The following LIMA1 variants were observed in gnomAD, a reference collection of about 807,000 sequenced individuals.
LIMA1 encodes the protein LIM domain and actin binding 1.
Under a neutral mutation model 62.6 loss-of-function variants are expected in LIMA1, and 52 were observed. That is an observed-to-expected ratio of 0.83 (90% confidence interval 0.67 to 1.05). LIMA1 has a LOEUF of 1.05. Among genes scored for constraint, LIMA1 ranks in the 50% least tolerant of loss-of-function variants. LIMA1 has a pLI of 0.00. For missense variants in LIMA1, 780 were observed against 902.2 expected (o/e 0.86, Z 1.74); for synonymous variants, 302 against 317.8 (o/e 0.95, Z 0.53).
chr12:50,179,118 G>A (rs1481005560), intron 10 of LIMA1, among the ~76,000 whole-genome samples: 1 of 151,780 alleles, frequency 6.6e-6, no homozygotes, highest in African/African-American at 2.4e-5. Context: ...TGGGATTACA[G>A]GAGTGCGCCA....
chr12:50,276,126 G>T (rs1033070529), intron 1 of LIMA1, among the ~76,000 whole-genome samples: 1 of 151,642 alleles, frequency 6.6e-6, no homozygotes, highest in Non-Finnish European at 1.5e-5. Flanking sequence ...AAAAACTGAA[G>T]CCAACTCTAA....
intron 2 of LIMA1, among the ~76,000 whole-genome samples, chr12:50,238,049 G>A (rs759911201): frequency 1.3e-5 from 2 of 151,816 alleles, no homozygotes; most frequent in African/African-American, 2.4e-5. Flanking sequence ...ATTTTTTGTC[G>A]TTTTTCTTTC....
Position 50,244,436 on chromosome 12 carries a change from A to C in LIMA1, c.119+4197T>G, listed in dbSNP as rs553861091. On this transcript the variant is annotated intron_variant, in intron 2 of 10. Transcript: ENST00000341247. ...GTATTTTTAGTAGAGATGGGGTTTC[A>C]CCATGTTGGGCAGGCTTGTCTTGAA... Among the ~76,000 whole-genome samples the C allele has an allele frequency of 9.9e-5, 15 of 151,956 alleles. No homozygotes were observed. In the East Asian group the frequency reaches 2.9e-3, roughly 29 times the overall value.
At chr12:50,223,021 C>A (rs1941473537) in intron 3 of LIMA1, among the ~76,000 whole-genome samples, 1 of 151,902 alleles carries the variant, frequency 6.6e-6, no homozygotes, top group Non-Finnish European at 1.5e-5. Flanking sequence ...AGGATTGAAA[C>A]AATTTGTAGA....
chr12:50,199,006 T>C (rs1052038273), intron 7 of LIMA1, among the ~76,000 whole-genome samples: 1 of 152,164 alleles, frequency 6.6e-6, no homozygotes, highest in Non-Finnish European at 1.5e-5. Flanking sequence ...CTGCTGCCTA[T>C]GTGTACCTCA....
rs370405598 is a variant in LIMA1, at chr12:50,231,162, C to T, written c.165+503G>A. On this transcript the variant is annotated intron_variant, in intron 3 of 10. Coordinates refer to ENST00000341247, the MANE Select transcript of LIMA1 (RefSeq NM_016357.5). Reference sequence around the variant, plus strand: ...GTTAGCAAGCACGGAGACTAGAGAACGGGTAGAAGCAGAGAGTTTATTCTG... The same window carrying T: ...GTTAGCAAGCACGGAGACTAGAGAATGGGTAGAAGCAGAGAGTTTATTCTG... 2.2e-4 allele frequency among the ~76,000 whole-genome samples: 33 copies of T among 152,192 alleles called. No individual in the cohort carries two copies. In the South Asian group the frequency reaches 2.3e-3, roughly 11 times the overall value.
At chr12:50,279,418 T>C (rs934569087) in intron 1 of LIMA1, among the ~76,000 whole-genome samples, 5 of 151,664 alleles carry the variant, frequency 3.3e-5, no homozygotes, top group Non-Finnish European at 5.9e-5. Flanking sequence ...AAAACAATTA[T>C]ATATACAATA....
At chr12:50,281,593 C>T (rs1942340504) in intron 1 of LIMA1, among the ~76,000 whole-genome samples, 1 of 151,978 alleles carries the variant, frequency 6.6e-6, no homozygotes, top group South Asian at 2.1e-4. Flanking sequence ...CAGGGACTAC[C>T]TGATAACAAC....
chr12:50,179,963 G>A (rs1340715456), intron 10 of LIMA1, among the ~76,000 whole-genome samples: 1 of 151,020 alleles, frequency 6.6e-6, no homozygotes, highest in Non-Finnish European at 1.5e-5. Flanking sequence ...TCAGAAGTTT[G>A]AGACCAGCCT....
intron 1 of LIMA1, among the ~76,000 whole-genome samples, chr12:50,261,463 T>C (rs1476045756): frequency 1.3e-5 from 2 of 152,100 alleles, no homozygotes; most frequent in African/African-American, 2.4e-5. Flanking sequence ...AGTTATTTCT[T>C]GATGCAAGCC....
chr12:50,191,335 G>A (rs1208298653), intron 9 of LIMA1: 1 of 146,192 alleles, frequency 6.8e-6, no homozygotes, highest in Non-Finnish European at 1.5e-5. Context: ...AGGCCAGCCT[G>A]GGAAACATGG....
chr12:50,183,324 A>C (rs148545671), intron 9 of LIMA1, among the ~76,000 whole-genome samples: 1 of 152,324 alleles, frequency 6.6e-6, no homozygotes, highest in African/African-American at 2.4e-5. Context: ...CTCAACCAGT[A>C]GATGCGGGAG....
intron 1 of LIMA1, among the ~76,000 whole-genome samples, chr12:50,277,146 A>AT (rs1389553189): frequency 6.6e-6 from 1 of 152,034 alleles, no homozygotes; most frequent in African/African-American, 2.4e-5. Flanking sequence ...GGCTTCTGTG[A>AT]TTTTATCTTA....
At chr12:50,179,881 CAT>C (rs754892618) in intron 10 of LIMA1, among the ~76,000 whole-genome samples, 4 of 151,662 alleles carry the variant, frequency 2.6e-5, no homozygotes, top group African/African-American at 7.3e-5. Flanking sequence ...CCAAATTTTT[CAT>C]AGAGATGGGA....
intron 2 of LIMA1, among the ~76,000 whole-genome samples, chr12:50,240,610 C>T (rs928988550): frequency 5.9e-5 from 9 of 151,978 alleles, no homozygotes; most frequent in South Asian, 2.1e-4. Flanking sequence ...CTTCCTGGGA[C>T]GAGGAATTGT....
chr12:50,207,985 G>A lies in LIMA1; in HGVS notation c.631-1917C>T, dbSNP rs550447331. ...AGAAAACATACCACATCAGAAATCA[G>A]AGCCAAGGATTGGTCTGTTTATACC... On this transcript the variant is annotated intron_variant, in intron 4 of 10. Coordinates refer to ENST00000341247, the MANE Select transcript of LIMA1 (RefSeq NM_016357.5). Among the ~76,000 whole-genome samples, 5 of 151,680 alleles carry A rather than the reference G, an allele frequency of 3.3e-5. No homozygotes were observed. In the East Asian group the frequency reaches 5.8e-4, roughly 18 times the overall value.
intron 3 of LIMA1, 144 bp downstream of exon 3, chr12:50,231,521 A>T (rs989784767): frequency 6.4e-6 from 5 of 778,610 alleles, no homozygotes; most frequent in African/African-American, 1.7e-5. Context: ...AGTTGTCCTG[A>T]GCAAATGGCT....
chr12:50,262,542 G>A (rs898491578), intron 1 of LIMA1, among the ~76,000 whole-genome samples: 4 of 152,110 alleles, frequency 2.6e-5, no homozygotes, highest in South Asian at 4.1e-4. Flanking sequence ...GGGAGGCTGA[G>A]GAGACAGGAC....
At chr12:50,222,850 T>C (rs564643987) in intron 3 of LIMA1, 46 of 337,298 alleles carry the variant, frequency 1.4e-4, no homozygotes, top group African/African-American at 8.4e-4. Flanking sequence ...TACAAGTGCT[T>C]GAAACACTGT....
Sources: gnomAD v4.1 joint callset for allele counts (sites outside exome capture counted in the v4.1 genomes callset) on GRCh38, gnomAD v4.1.1 for gene constraint, MANE v1.5 for transcripts, NCBI Gene and HGNC (gene_info 2026-07-23, HGNC 2026-07-21) for gene names.